Variants in FHIP1A observed in about 807,000 individuals in gnomAD.
FHIP1A encodes FHF complex subunit HOOK-interacting protein 1A.
Under a neutral mutation model 88.6 loss-of-function variants are expected in FHIP1A, and 61 were observed. The observed-to-expected ratio is 0.69, with a 90% CI of 0.56 to 0.85. The LOEUF (loss-of-function observed/expected upper bound fraction) is 0.85. Among genes scored for constraint, FHIP1A ranks in the 40% least tolerant of loss-of-function variants. The probability of loss-of-function intolerance (pLI) is 0.00; values close to 1 mark genes in which losing one functional copy is unlikely to be tolerated. For synonymous variants in FHIP1A, 478 were observed against 496.0 expected (o/e 0.96, Z 0.48); for missense variants, 1,154 against 1,273.5 (o/e 0.91, Z 1.43).
intron 7 of FHIP1A, among the ~76,000 whole-genome samples, chr4:151,622,568 A>G (rs1387667043): frequency 6.6e-6 from 1 of 152,132 alleles, no homozygotes; most frequent in Non-Finnish European, 1.5e-5. Flanking sequence ...GTTAGTTCTC[A>G]TAAGATTGTT....
chr4:151,411,501 C>A (rs1346782641), intron 1 of FHIP1A, among the ~76,000 whole-genome samples: 3 of 151,462 alleles, frequency 2.0e-5, no homozygotes, highest in African/African-American at 4.9e-5. Flanking sequence ...AGGTTCATGC[C>A]ATCACACTCT....
At chr4:151,550,999 C>CT (rs1732707921) in intron 3 of FHIP1A, among the ~76,000 whole-genome samples, 1 of 152,114 alleles carries the variant, frequency 6.6e-6, no homozygotes, top group Non-Finnish European at 1.5e-5. Flanking sequence ...ATGAACTGCC[C>CT]TTAAGGGGGA....
At position 151,649,774 on chromosome 4, in the gene FHIP1A, A is replaced by G. The variant is rs1168975886; in HGVS notation, c.1733A>G (p.Glu578Gly). 1 of 1,551,672 alleles carries G rather than the reference A, an allele frequency of 6.4e-7. No homozygotes were observed. Among genetic ancestry groups the G allele is most frequent in the South Asian group, 1.2e-5 (1 of 84,054 alleles). ...PRKDKSQTEL[E>G]WDDSYDTGIS... ...AAGGACAAGAGCCAGACAGAGCTGG[A>G]ATGGGATGACAGCTATGACACTGGA... The change falls in exon 11 of 14, where the codon GAA (glutamate) becomes GGA (glycine). Residue 578 changes from glutamate to glycine, a missense_variant. Physicochemically the swap from Glu to Gly is moderately conservative, Grantham distance 98. Transcript: ENST00000435205.
chr4:151,589,207 G>A (rs548259636), intron 7 of FHIP1A, among the ~76,000 whole-genome samples: 13 of 152,282 alleles, frequency 8.5e-5, no homozygotes, highest in Admixed American at 2.0e-4. Flanking sequence ...GTTTCACTTC[G>A]TGGGCAGTGG....
At chr4:151,457,607 G>A (rs1333298374) in intron 2 of FHIP1A, among the ~76,000 whole-genome samples, 1 of 152,140 alleles carries the variant, frequency 6.6e-6, no homozygotes, top group East Asian at 1.9e-4. Context: ...TTGACTGATT[G>A]AGAAATCTTA....
chr4:151,635,836 A>G (rs1188771091), intron 8 of FHIP1A, among the ~76,000 whole-genome samples: 1 of 151,980 alleles, frequency 6.6e-6, no homozygotes, highest in Non-Finnish European at 1.5e-5. Context: ...ACCACTAGTG[A>G]TTTGTATGCT....
chr4:151,642,685 T>A (rs1736632012), intron 9 of FHIP1A, among the ~76,000 whole-genome samples: 2 of 152,120 alleles, frequency 1.3e-5, no homozygotes, highest in South Asian at 4.1e-4. Context: ...TTGCTTGTGT[T>A]TATGGTCAGT....
chr4:151,494,084 C>T (rs1264769217), intron 3 of FHIP1A, among the ~76,000 whole-genome samples: 1 of 152,166 alleles, frequency 6.6e-6, no homozygotes, highest in East Asian at 1.9e-4. Context: ...CCTAAAAACT[C>T]ATCCAAAAAG....
At chr4:151,611,524 G>A (rs1358088467) in intron 7 of FHIP1A, among the ~76,000 whole-genome samples, 1 of 152,170 alleles carries the variant, frequency 6.6e-6, no homozygotes, top group Non-Finnish European at 1.5e-5. Context: ...TTGCTTATGA[G>A]ATATCGAGGT....
At chr4:151,509,943 T>A (rs1730969375) in intron 3 of FHIP1A, among the ~76,000 whole-genome samples, 2 of 152,190 alleles carry the variant, frequency 1.3e-5, no homozygotes. Flanking sequence ...TTTCCTGCAA[T>A]CTAAAGTATC....
intron 3 of FHIP1A, among the ~76,000 whole-genome samples, chr4:151,534,441 G>C (rs901486167): frequency 1.3e-5 from 2 of 152,198 alleles, no homozygotes; most frequent in African/African-American, 4.8e-5. Flanking sequence ...TAGCTTGGGA[G>C]TTCTTGTTGG....
At chr4:151,509,611 T>C (rs58121430) in intron 3 of FHIP1A, among the ~76,000 whole-genome samples, 2,026 of 152,170 alleles carry the variant, frequency 0.013, 39 homozygotes, top group African/African-American at 0.043. Flanking sequence ...AGCTGACACA[T>C]AAGTAAATAG....
intron 3 of FHIP1A, among the ~76,000 whole-genome samples, chr4:151,537,828 G>T (rs542272740): frequency 2.2e-4 from 34 of 152,276 alleles, no homozygotes; most frequent in Non-Finnish European, 3.5e-4. Flanking sequence ...TTTAGCTGGA[G>T]AATGGTACAG....
chr4:151,471,671 G>A (rs927788665), intron 2 of FHIP1A, among the ~76,000 whole-genome samples: 4 of 151,866 alleles, frequency 2.6e-5, no homozygotes, highest in East Asian at 1.9e-4. Flanking sequence ...GGTTACATGA[G>A]TAAGTTCTTT....
At chr4:151,604,531 T>A (rs552684249) in intron 7 of FHIP1A, among the ~76,000 whole-genome samples, 1 of 152,314 alleles carries the variant, frequency 6.6e-6, no homozygotes, top group East Asian at 1.9e-4. Context: ...TTCATTACTT[T>A]CAATTTGGTC....
intron 7 of FHIP1A, among the ~76,000 whole-genome samples, chr4:151,628,709 G>T (rs1226528433): frequency 1.3e-5 from 2 of 152,158 alleles, no homozygotes; most frequent in Admixed American, 6.5e-5. Flanking sequence ...AAGATTTCTA[G>T]GGTGTGTGGT....
intron 3 of FHIP1A, among the ~76,000 whole-genome samples, chr4:151,512,057 C>T (rs1265819715): frequency 2.0e-5 from 3 of 152,228 alleles, no homozygotes; most frequent in African/African-American, 4.8e-5. Context: ...CAGACTGACA[C>T]CTCACACGGC....
intron 3 of FHIP1A, among the ~76,000 whole-genome samples, chr4:151,548,762 A>G (rs1333014795): frequency 7.2e-5 from 11 of 152,212 alleles, no homozygotes; most frequent in Non-Finnish European, 1.5e-4. Flanking sequence ...TCTCTACTAA[A>G]AACGCAAAAA....
At chr4:151,585,172 T>C (rs1487139787) in intron 5 of FHIP1A, among the ~76,000 whole-genome samples, 2 of 151,966 alleles carry the variant, frequency 1.3e-5, no homozygotes, top group Admixed American at 1.3e-4. Flanking sequence ...CAAAGCCTTT[T>C]GTAGCTGGCT....
Sources: allele counts gnomAD v4.1 joint callset (sites outside exome capture counted in the v4.1 genomes callset), GRCh38; gene constraint gnomAD v4.1.1; transcripts MANE v1.5; gene names NCBI Gene and HGNC (gene_info 2026-07-23, HGNC 2026-07-21).